The following CACNA1D variants were observed in gnomAD, a reference collection of about 807,000 sequenced individuals.
The protein encoded by CACNA1D is voltage-dependent L-type calcium channel subunit alpha-1D.
CACNA1D carries 55 observed loss-of-function variants against 257.1 expected under a neutral mutation model. That is an observed-to-expected ratio of 0.21 (90% CI 0.17 to 0.27). The LOEUF (loss-of-function observed/expected upper bound fraction) is 0.27, where lower values mean the gene tolerates loss of function less well. Ranked by LOEUF, CACNA1D falls within the 10% of genes least tolerant of loss-of-function variation. The pLI is 1.00. For synonymous variants in CACNA1D, 980 were observed against 1,014.9 expected (o/e 0.97, Z 0.65); for missense variants, 1,876 against 2,784.0 (o/e 0.67, Z 7.34).
rs979944620 is a variant in CACNA1D at position 53,774,410 on chromosome 3, C to T, written c.4111-177C>T. 3.2e-6 allele frequency: 2 copies of T among 619,578 alleles called. No homozygotes were observed. The highest frequency in any genetic ancestry group is 2.4e-5 in the Admixed American group (1 of 41,996). The allele number at this position is 619,578 out of a possible 1,614,324, so 38.4% of individuals were successfully genotyped here. The stretch of plus-strand genomic sequence containing the variant: ...GGAGCACCACGTTCCCAGTGTGTAA[C>T]CTGCTGCCTGGCACATGGTTGTGCC... On this transcript the variant is annotated intron_variant, in intron 33 of 47. Transcript: ENST00000350061. The surrounding 1 kb of genome is among the most constrained non-coding windows in gnomAD (Gnocchi z 4.3).
chr3:53,720,419 G>A (rs905946934), intron 11 of CACNA1D, among the ~76,000 whole-genome samples: 31 of 152,254 alleles, frequency 2.0e-4, no homozygotes, highest in African/African-American at 7.2e-4. Flanking sequence ...AGATAAATTG[G>A]TCTTTGTCAA....
intron 3 of CACNA1D, among the ~76,000 whole-genome samples, chr3:53,519,234 C>G (rs994942778): frequency 1.3e-5 from 2 of 152,172 alleles, no homozygotes; most frequent in Non-Finnish European, 2.9e-5. Context: ...AGCTGTCATT[C>G]AGGTTATTTA....
At chr3:53,497,886 A>G (rs2090420327) in intron 2 of CACNA1D, among the ~76,000 whole-genome samples, 1 of 152,246 alleles carries the variant, frequency 6.6e-6, no homozygotes, top group Non-Finnish European at 1.5e-5. Flanking sequence ...TGAAGGGAAT[A>G]CATTTTTGAC....
chr3:53,712,336 G>A (rs2094767230), intron 9 of CACNA1D, among the ~76,000 whole-genome samples: 1 of 152,226 alleles, frequency 6.6e-6, no homozygotes, highest in Non-Finnish European at 1.5e-5. Flanking sequence ...ACCAGGTGGG[G>A]CACGAGCCCT....
chr3:53,545,716 A>T (rs1489104399), intron 3 of CACNA1D, among the ~76,000 whole-genome samples: 2 of 152,152 alleles, frequency 1.3e-5, no homozygotes, highest in Non-Finnish European at 2.9e-5. Context: ...GATTTGTTTG[A>T]TGCAATTAGC....
At chr3:53,622,297 C>T (rs1364704792) in intron 3 of CACNA1D, among the ~76,000 whole-genome samples, 3 of 152,104 alleles carry the variant, frequency 2.0e-5, no homozygotes, top group East Asian at 1.9e-4. Flanking sequence ...ATGATATGCC[C>T]GTTAGGCAGT....
At position 53,780,064 on chromosome 3, in the gene CACNA1D, G is replaced by T. The variant is rs1372335006; in HGVS notation, c.4626G>T (p.Gly1542=). ...VAMNMPLNSD[G]TVMFNATLFA... ...TGAACATGCCTCTCAACAGTGACGG[G>T]ACAGTCATGTTTAATGCAACCCTGT... The change falls in exon 38 of 48, where the codon GGG becomes GGT. Residue 1542 remains glycine (G), a synonymous_variant. Transcript: ENST00000350061. 4 of 1,614,016 alleles carry T rather than the reference G, an allele frequency of 2.5e-6. No homozygotes were observed. Among genetic ancestry groups the T allele is most frequent in the Non-Finnish European group, 3.4e-6 (4 of 1,179,970 alleles).
At chr3:53,639,389 TC>T (rs1287198852) in intron 3 of CACNA1D, among the ~76,000 whole-genome samples, 7 of 150,254 alleles carry the variant, frequency 4.7e-5, no homozygotes, top group African/African-American at 1.5e-4. Flanking sequence ...TCTCTCTCTC[TC>T]TTTTTTTTTT....
At chr3:53,786,466 G>A (rs1196494984) in intron 39 of CACNA1D, 2 of 298,744 alleles carry the variant, frequency 6.7e-6, no homozygotes, top group Admixed American at 4.7e-5. Flanking sequence ...GTGAAATGTG[G>A]CCCGTGAAGC....
intron 47 of CACNA1D, among the ~76,000 whole-genome samples, chr3:53,810,780 A>AAAAC (rs2095595790): frequency 7.6e-6 from 1 of 131,906 alleles, no homozygotes; most frequent in Non-Finnish European, 1.6e-5. Flanking sequence ...AAAAAAAAAA[A>AAAAC]AAAAAACAAA....
intron 19 of CACNA1D, 88 bp downstream of exon 19, chr3:53,733,050 G>T: frequency 1.5e-6 from 2 of 1,372,626 alleles, no homozygotes; most frequent in South Asian, 2.4e-5. Flanking sequence ...GGGGTGAGGG[G>T]AAGTGGTTCA....
intron 3 of CACNA1D, among the ~76,000 whole-genome samples, chr3:53,625,853 A>G (rs2093752240): frequency 6.6e-6 from 1 of 152,186 alleles, no homozygotes; most frequent in Non-Finnish European, 1.5e-5. Context: ...AGCTGGGTAT[A>G]CAGAGGTTCA....
intron 3 of CACNA1D, among the ~76,000 whole-genome samples, chr3:53,545,765 G>A (rs1434156421): frequency 6.6e-6 from 1 of 152,168 alleles, no homozygotes; most frequent in Non-Finnish European, 1.5e-5. Context: ...AAAGCAATTG[G>A]GATTCAGGGC....
chr3:53,560,754 AT>A (rs1176334252), intron 3 of CACNA1D, among the ~76,000 whole-genome samples: 1 of 152,158 alleles, frequency 6.6e-6, no homozygotes, highest in South Asian at 2.1e-4. Context: ...ATGAATTATT[AT>A]TTTTTTGATT....
chr3:53,551,860 A>C (rs1252305729), intron 3 of CACNA1D, among the ~76,000 whole-genome samples: 1 of 152,108 alleles, frequency 6.6e-6, no homozygotes, highest in African/African-American at 2.4e-5. Context: ...GCAGCAGCTG[A>C]TGGTGAGGTC....
chr3:53,616,290 A>G (rs965409066), intron 3 of CACNA1D, among the ~76,000 whole-genome samples: 11 of 152,296 alleles, frequency 7.2e-5, no homozygotes, highest in African/African-American at 2.6e-4. Flanking sequence ...CCCGGTTCAT[A>G]TCATCATGTC....
intron 3 of CACNA1D, among the ~76,000 whole-genome samples, chr3:53,541,602 C>A (rs1157727995): frequency 1.3e-5 from 2 of 152,166 alleles, no homozygotes; most frequent in Non-Finnish European, 2.9e-5. Flanking sequence ...GGGGACTGAC[C>A]AGTCTTTTGG....
intron 3 of CACNA1D, among the ~76,000 whole-genome samples, chr3:53,567,817 A>C (rs1168070539): frequency 6.6e-6 from 1 of 152,232 alleles, no homozygotes; most frequent in Admixed American, 6.5e-5. Context: ...CACTGTGTAC[A>C]CTGCTGGCTG....
intron 30 of CACNA1D, among the ~76,000 whole-genome samples, chr3:53,767,895 G>A (rs746038579): frequency 9.9e-5 from 15 of 152,194 alleles, no homozygotes; most frequent in African/African-American, 2.2e-4. Flanking sequence ...TGTCGCAGGC[G>A]CACTGAGGGT....
Sources: allele counts gnomAD v4.1 joint callset (sites outside exome capture counted in the v4.1 genomes callset), GRCh38; gene constraint gnomAD v4.1.1; non-coding constraint Gnocchi (gnomAD v3.1); transcripts MANE v1.5; gene names NCBI Gene and HGNC (gene_info 2026-07-23, HGNC 2026-07-21).